SYNE2: variants seen among roughly 807,000 people sequenced by gnomAD.
The protein encoded by SYNE2 is nesprin-2.
SYNE2 carries 431 observed loss-of-function variants against 856.3 expected under a neutral mutation model. The ratio of observed to expected loss-of-function variants is 0.50; its 90% CI spans 0.47 to 0.55. SYNE2 has a LOEUF of 0.55. SYNE2 is among the 20% of genes least tolerant of loss of function. SYNE2 has a pLI of 0.00. For missense variants in SYNE2, 8,129 were observed against 8,023.2 expected (o/e 1.01, Z -0.50); for synonymous variants, 2,923 against 2,872.3 (o/e 1.02, Z -0.56).
chr14:64,174,401 T>A (rs61987301), intron 94 of SYNE2, among the ~76,000 whole-genome samples: 1 of 145,440 alleles, frequency 6.9e-6, no homozygotes, highest in Non-Finnish European at 1.5e-5. Context: ...TTGTTTTTAA[T>A]TTTCAGAAAG....
chr14:64,159,539 C>T, intron 87 of SYNE2, 97 bp downstream of exon 87: 1 of 1,375,582 alleles, frequency 7.3e-7, no homozygotes. Context: ...TCTTCCTCCT[C>T]TGAGATGACT....
Position 64,215,218 on chromosome 14 carries a change from G to A in SYNE2, c.19334-68G>A, listed in dbSNP as rs1484385607. 7.6e-6 allele frequency: 10 copies of A among 1,318,848 alleles called. No individual in the cohort carries two copies. The East Asian group carries it at 9.2e-5, about 12-fold the overall frequency. 81.7% of individuals were successfully genotyped at this position (1,318,848 alleles called of 1,614,324 possible). A position where few individuals can be genotyped will look rare whatever the true frequency, so the allele number is the denominator to read the frequency against. Reference sequence around the variant, plus strand: ...CCTTCCAGCTGACAATGTTTCTACTGTGTGTTAATACTTGGGCATTAATCT... The same window carrying A: ...CCTTCCAGCTGACAATGTTTCTACTATGTGTTAATACTTGGGCATTAATCT... On this transcript the variant is annotated intron_variant, in intron 106 of 115. Transcript: ENST00000555002.
chr14:64,207,706 G>A (rs972718290), intron 100 of SYNE2, among the ~76,000 whole-genome samples: 8 of 152,284 alleles, frequency 5.3e-5, no homozygotes, highest in African/African-American at 1.9e-4. Context: ...CTTATTAACT[G>A]AAATTTGTTG....
chr14:64,049,926 T>C, intron 47 of SYNE2, 50 bp downstream of exon 47: 1 of 1,606,174 alleles, frequency 6.2e-7, no homozygotes, highest in East Asian at 2.2e-5. Flanking sequence ...AGCACAACCA[T>C]CTGCCACCTT....
chr14:63,878,182 C>T (rs2094771931), intron 1 of SYNE2, among the ~76,000 whole-genome samples: 2 of 152,108 alleles, frequency 1.3e-5, no homozygotes, highest in Non-Finnish European at 2.9e-5. Context: ...CCATCACACC[C>T]AGCCTAACAT....
chr14:63,812,371 T>C (rs1368004842), intron 1 of SYNE2, among the ~76,000 whole-genome samples: 7 of 152,188 alleles, frequency 4.6e-5, no homozygotes, highest in Non-Finnish European at 7.3e-5. Flanking sequence ...TCTTCCCTTC[T>C]TCCCTGAAAA....
At chr14:64,218,272 A>C in intron 108 of SYNE2, 126 bp from the exon 109 acceptor site, 1 of 858,992 alleles carries the variant, frequency 1.2e-6, no homozygotes. Flanking sequence ...CTGTATTCCT[A>C]GCAAGATACC....
chr14:64,010,930 C>T (rs1285572120), intron 32 of SYNE2, among the ~76,000 whole-genome samples: 4 of 152,202 alleles, frequency 2.6e-5, no homozygotes, highest in East Asian at 1.9e-4. Context: ...TGAGTCACCA[C>T]GCCTGGCCTT....
rs779762324 is a variant in SYNE2, at chr14:64,020,144, AATC to A, written c.5151+54_5151+56del. On this transcript the variant is annotated intron_variant, in intron 35 of 115. Coordinates refer to ENST00000555002, the MANE Select transcript of SYNE2 (RefSeq NM_182914.3). ...AGTTATTGAGGCTTCAGTAAGCCAT[AATC>A]ATATCACTGCACTCCAGCCTGGGCG... 12 of 1,296,408 alleles carry A rather than the reference AATC, an allele frequency of 9.3e-6. 1 individual carries two copies. Among genetic ancestry groups the A allele is most frequent in the South Asian group, 5.9e-5 (5 of 84,530 alleles). 80.3% of individuals were successfully genotyped at this position (1,296,408 alleles called of 1,614,324 possible). A position where few individuals can be genotyped will look rare whatever the true frequency, so the allele number is the denominator to read the frequency against.
intron 2 of SYNE2, among the ~76,000 whole-genome samples, chr14:63,918,505 A>T (rs1228904255): frequency 6.6e-6 from 1 of 152,250 alleles, no homozygotes; most frequent in Non-Finnish European, 1.5e-5. Context: ...TGAATGATTT[A>T]TCAGAGATGG....
At chr14:63,819,650 C>G (rs1182575850) in intron 1 of SYNE2, among the ~76,000 whole-genome samples, 1 of 151,972 alleles carries the variant, frequency 6.6e-6, no homozygotes, top group African/African-American at 2.4e-5. Context: ...CATTCTCCTG[C>G]CTCAGCCTCC....
At chr14:64,216,478 A>T in intron 108 of SYNE2, 91 bp downstream of exon 108, 6 of 1,380,504 alleles carry the variant, frequency 4.3e-6, no homozygotes, top group Middle Eastern at 1.8e-4. Context: ...AACTGCGTGT[A>T]TTCATTCCCC....
Position 64,220,528 on chromosome 14 carries a change from CCA to C in SYNE2, c.19955_19956del (p.Thr6652ArgfsTer5), listed in dbSNP as rs1365185961. On this transcript the variant is annotated frameshift_variant, in exon 111 of 116. Coordinates refer to ENST00000555002, the MANE Select transcript of SYNE2 (RefSeq NM_182914.3). LOFTEE classifies it high-confidence loss of function. ...TTTCTGCAAACCGAGAGCCCCGAATCCACAGAGCTCCAAAGTAGACTCCGCCA... is the reference window on the plus strand; with the variant it reads ...TTTCTGCAAACCGAGAGCCCCGAATCCAGAGCTCCAAAGTAGACTCCGCCA... 1 of 1,614,158 alleles carries C rather than the reference CCA, an allele frequency of 6.2e-7. No individual in the cohort carries two copies. The highest frequency in any genetic ancestry group is 8.5e-7 in the Non-Finnish European group (1 of 1,180,026).
intron 1 of SYNE2, among the ~76,000 whole-genome samples, chr14:63,838,563 G>A (rs1438431734): frequency 1.3e-5 from 2 of 151,944 alleles, no homozygotes; most frequent in African/African-American, 4.8e-5. Context: ...CACCGAGGCT[G>A]GAATGCAGTG....
At position 64,139,983 on chromosome 14, in the gene SYNE2, T is replaced by C. The variant is rs1447444949; in HGVS notation, c.14886T>C (p.Ser4962=). 6.2e-7 allele frequency: 1 copy of C among 1,614,128 alleles called. No homozygotes were observed. Among genetic ancestry groups the C allele is most frequent in the East Asian group, 2.2e-5 (1 of 44,868 alleles). Residue 4962 remains serine (S), a synonymous_variant, in exon 80 of 116, where the codon TCT becomes TCC. Transcript: ENST00000555002. The part of the protein sequence containing the change: ...DSDQLTKWLE[S]SQHTLNYWKE... ...ATCAGTTAACCAAGTGGTTGGAATC[T>C]TCCCAGCATACTCTGAATTACTGGA...
Position 64,027,667 on chromosome 14 carries a change from A to C in SYNE2, c.6588A>C (p.Thr2196=). Residue 2196 remains threonine (T), a synonymous_variant, in exon 43 of 116, where the codon ACA becomes ACC. Transcript: ENST00000555002. Reference sequence around the variant, plus strand: ...TCCTCAAGAAAGCCCAAGATTTGACATCCTTGCTAAAGGAGTTAAAATCTC... The same window carrying C: ...TCCTCAAGAAAGCCCAAGATTTGACCTCCTTGCTAAAGGAGTTAAAATCTC... ...KKFLKKAQDL[T]SLLKELKSQG... is the part of the protein sequence containing the mutation. 6.2e-7 allele frequency: 1 copy of C among 1,614,172 alleles called. No individual in the cohort carries two copies. Among genetic ancestry groups the C allele is most frequent in the Non-Finnish European group, 8.5e-7 (1 of 1,180,012 alleles).
intron 1 of SYNE2, among the ~76,000 whole-genome samples, chr14:63,764,132 A>G (rs1041054490): frequency 6.6e-6 from 1 of 152,248 alleles, no homozygotes; most frequent in African/African-American, 2.4e-5. Context: ...GCTGTTAGGC[A>G]TAAGTAGAAA....
At chr14:63,987,743 A>T (rs923975514) in intron 19 of SYNE2, among the ~76,000 whole-genome samples, 5 of 151,988 alleles carry the variant, frequency 3.3e-5, no homozygotes, top group African/African-American at 1.2e-4. Flanking sequence ...GAAAAAAATG[A>T]GGTAGAAATT....
At chr14:64,183,668 C>T (rs553259330) in intron 96 of SYNE2, among the ~76,000 whole-genome samples, 1 of 151,750 alleles carries the variant, frequency 6.6e-6, no homozygotes, top group East Asian at 1.9e-4. Context: ...AATCCCGGCA[C>T]CTCGGGAGGC....
Sources: allele counts gnomAD v4.1 joint callset (sites outside exome capture counted in the v4.1 genomes callset), GRCh38; gene constraint gnomAD v4.1.1; transcripts MANE v1.5; gene names NCBI Gene and HGNC (gene_info 2026-07-23, HGNC 2026-07-21).